Variants in PLPPR1 observed in about 807,000 individuals in gnomAD.
PLPPR1 encodes the protein phospholipid phosphatase related 1.
In PLPPR1, 10 loss-of-function variants were observed where a neutral mutation model predicts 33.1. The observed-to-expected ratio is 0.30, with a 90% CI of 0.19 to 0.51. PLPPR1 has a LOEUF of 0.51. PLPPR1 is among the 20% of genes least tolerant of loss of function. The pLI is 0.97. For synonymous variants in PLPPR1, 151 were observed against 151.0 expected, an observed-to-expected ratio of 1.00 and a Z score of 0.00; for missense variants, 304 against 408.1, an observed-to-expected ratio of 0.74 and a Z score of 2.20.
chr9:101,257,149 C>T (rs1281089617), intron 2 of PLPPR1, among the ~76,000 whole-genome samples: 2 of 152,044 alleles, frequency 1.3e-5, no homozygotes, highest in Non-Finnish European at 2.9e-5. Flanking sequence ...CTTCCAGTAA[C>T]AAAATCTGTC....
intron 2 of PLPPR1, among the ~76,000 whole-genome samples, chr9:101,206,577 G>A (rs897634694): frequency 6.6e-4 from 101 of 152,238 alleles, no homozygotes; most frequent in African/African-American, 2.3e-3. Flanking sequence ...CAGCAAGGGG[G>A]CAGAGGTGGG....
chr9:101,033,237 T>C lies in PLPPR1; in HGVS notation c.-46+4135T>C, dbSNP rs149788184. 5.3e-3 allele frequency among the ~76,000 whole-genome samples: 802 copies of C among 152,264 alleles called. 1 individual carries two copies. Among genetic ancestry groups the C allele is most frequent in the Non-Finnish European group, 8.2e-3 (558 of 68,026 alleles). Reference sequence around the variant, plus strand: ...AACATAGTCAGAGTTTGTTTTCAAATTGACTACAGGGAGTGCAACAGAAGG... The same window carrying C: ...AACATAGTCAGAGTTTGTTTTCAAACTGACTACAGGGAGTGCAACAGAAGG... On this transcript the variant is annotated intron_variant, in intron 1 of 7. Transcript: ENST00000374874.
intron 2 of PLPPR1, among the ~76,000 whole-genome samples, chr9:101,230,727 G>A (rs1307479211): frequency 6.6e-6 from 1 of 151,882 alleles, no homozygotes; most frequent in African/African-American, 2.4e-5. Flanking sequence ...AAAACCCATC[G>A]TGGGCTAAAG....
intron 2 of PLPPR1, among the ~76,000 whole-genome samples, chr9:101,243,568 T>C (rs1431931025): frequency 6.6e-6 from 1 of 152,016 alleles, no homozygotes; most frequent in Non-Finnish European, 1.5e-5. Context: ...AGTTGTCTAA[T>C]TTTCAGAGAA....
intron 6 of PLPPR1, among the ~76,000 whole-genome samples, chr9:101,316,366 G>A (rs1024099462): frequency 6.6e-6 from 1 of 151,794 alleles, no homozygotes; most frequent in Non-Finnish European, 1.5e-5. Context: ...GAACCCGGGA[G>A]GCAGAGCTTG....
intron 2 of PLPPR1, among the ~76,000 whole-genome samples, chr9:101,226,878 A>G (rs577075574): frequency 6.6e-6 from 1 of 152,252 alleles, no homozygotes; most frequent in South Asian, 2.1e-4. Flanking sequence ...ACTAGAAAAG[A>G]GGAACAAAAT....
intron 1 of PLPPR1, among the ~76,000 whole-genome samples, chr9:101,051,008 C>T (rs374262660): frequency 2.6e-5 from 4 of 152,196 alleles, no homozygotes; most frequent in East Asian, 1.9e-4. Context: ...CAGGACTTCC[C>T]GAAGATGATC....
chr9:101,125,413 C>T (rs978032080), intron 1 of PLPPR1: 10 of 203,994 alleles, frequency 4.9e-5, no homozygotes, highest in Admixed American at 3.4e-4. Context: ...CTTATCTCTA[C>T]TTACTTACTT....
intron 1 of PLPPR1, among the ~76,000 whole-genome samples, chr9:101,159,135 C>G (rs572706871): frequency 6.6e-6 from 1 of 152,260 alleles, no homozygotes; most frequent in South Asian, 2.1e-4. Flanking sequence ...GAAGTAGAAG[C>G]TCTTATTTGA....
chr9:101,230,195 A>T (rs962666651), intron 2 of PLPPR1, among the ~76,000 whole-genome samples: 1 of 152,178 alleles, frequency 6.6e-6, no homozygotes, highest in African/African-American at 2.4e-5. Flanking sequence ...GGATGTATTC[A>T]TCAGGATGCT....
intron 1 of PLPPR1, among the ~76,000 whole-genome samples, chr9:101,038,424 GA>G (rs1036620779): frequency 6.6e-6 from 1 of 151,950 alleles, no homozygotes; most frequent in Non-Finnish European, 1.5e-5. Flanking sequence ...TCTAGCAAGA[GA>G]AAAAAATAAC....
chr9:101,300,672 C>T lies in PLPPR1; in HGVS notation c.386-8539C>T, dbSNP rs552697044. Among the ~76,000 whole-genome samples the T allele has an allele frequency of 5.9e-5, 9 of 152,184 alleles. No homozygotes were observed. In the South Asian group the frequency reaches 6.2e-4, roughly 11 times the overall value. On this transcript the variant is annotated intron_variant, in intron 4 of 7. Transcript: ENST00000374874. ...CTTACAAACATGGAATCACAAAAGC[C>T]GAATTTGAAGCCTTCTAAAAATCCA...
At chr9:101,264,539 T>C (rs1827952417) in intron 2 of PLPPR1, among the ~76,000 whole-genome samples, 1 of 152,176 alleles carries the variant, frequency 6.6e-6, no homozygotes, top group African/African-American at 2.4e-5. Flanking sequence ...GACTTGTTGT[T>C]CCTTGTGTTG....
rs1830728490 is a variant in PLPPR1 at position 101,090,533 on chromosome 9, C to T, written c.-46+61431C>T. The stretch of plus-strand genomic sequence containing the variant: ...TTTCCCTCAATCCACCCTTGACCCA[C>T]CCCAGTCTGGCTTCCAGAGTGCCAG... On this transcript the variant is annotated intron_variant, in intron 1 of 7. Transcript: ENST00000374874. Among the ~76,000 whole-genome samples, 6 of 152,136 alleles carry T rather than the reference C, an allele frequency of 3.9e-5. No individual in the cohort carries two copies. In the South Asian group the frequency reaches 1.2e-3, roughly 32 times the overall value.
chr9:101,102,309 C>G (rs1285901917), intron 1 of PLPPR1, among the ~76,000 whole-genome samples: 2 of 107,874 alleles, frequency 1.9e-5, no homozygotes, highest in Non-Finnish European at 3.6e-5. Context: ...CCCGACCCCA[C>G]CACAGTCCCC....
At chr9:101,161,774 A>G in intron 1 of PLPPR1, among the ~76,000 whole-genome samples, 1 of 152,088 alleles carries the variant, frequency 6.6e-6, no homozygotes, top group East Asian at 1.9e-4. Context: ...TCAAACTGTA[A>G]AAGTTCTTTT....
At chr9:101,227,927 G>T (rs1827104515) in intron 2 of PLPPR1, among the ~76,000 whole-genome samples, 1 of 152,058 alleles carries the variant, frequency 6.6e-6, no homozygotes, top group Admixed American at 6.6e-5. Flanking sequence ...ACAGGCATGT[G>T]CCATCACACC....
intron 1 of PLPPR1, among the ~76,000 whole-genome samples, chr9:101,153,769 G>C (rs1457925127): frequency 7.0e-6 from 1 of 143,156 alleles, no homozygotes. Flanking sequence ...TTTTTTAGTA[G>C]AGACGGGGTT....
intron 1 of PLPPR1, among the ~76,000 whole-genome samples, chr9:101,131,145 C>T (rs908332214): frequency 1.3e-5 from 2 of 152,116 alleles, no homozygotes; most frequent in East Asian, 3.8e-4. Flanking sequence ...GTGATTTAAC[C>T]TGACCTTGAC....
Sources: allele counts gnomAD v4.1 joint callset (sites outside exome capture counted in the v4.1 genomes callset), GRCh38; gene constraint gnomAD v4.1.1; transcripts MANE v1.5; gene names NCBI Gene and HGNC (gene_info 2026-07-23, HGNC 2026-07-21).